The following PDE4B variants were observed in gnomAD, a reference collection of about 807,000 sequenced individuals.
PDE4B encodes phosphodiesterase 4B, also known as 3',5'-cyclic-AMP phosphodiesterase 4B.
Under a neutral mutation model 82.2 loss-of-function variants are expected in PDE4B, and 20 were observed. The ratio of observed to expected loss-of-function variants is 0.24; its 90% confidence interval spans 0.17 to 0.35. The LOEUF is 0.35. PDE4B is among the 10% of genes least tolerant of loss of function. The pLI, the probability that PDE4B is intolerant of heterozygous loss-of-function variation, is 1.00. For synonymous variants in PDE4B, 320 were observed against 318.9 expected, an observed-to-expected ratio of 1.00 and a Z score of -0.04; for missense variants, 655 against 907.2, an observed-to-expected ratio of 0.72 and a Z score of 3.57.
chr1:66,012,606 G>A (rs1278877187), intron 3 of PDE4B, among the ~76,000 whole-genome samples: 1 of 152,050 alleles, frequency 6.6e-6, no homozygotes, highest in Non-Finnish European at 1.5e-5. Flanking sequence ...TGTGAGCCCA[G>A]TATGAGGAAA....
chr1:65,958,256 T>G (rs1023312131), intron 3 of PDE4B, among the ~76,000 whole-genome samples: 1 of 152,230 alleles, frequency 6.6e-6, no homozygotes, highest in East Asian at 1.9e-4. Context: ...TTTAAAAAAT[T>G]TATTGATATG....
intron 1 of PDE4B, among the ~76,000 whole-genome samples, chr1:65,888,509 A>C (rs1288172727): frequency 6.6e-6 from 1 of 152,214 alleles, no homozygotes. Context: ...TTTGATTGGA[A>C]TTATATTGAA....
At chr1:65,949,798 G>A (rs10889590) in intron 3 of PDE4B, among the ~76,000 whole-genome samples, 48,707 of 151,760 alleles carry the variant, frequency 0.32, 8,342 homozygotes, top group East Asian at 0.46. Flanking sequence ...GTGTAGCTCT[G>A]TCTTCCAATA....
At chr1:65,893,684 C>T (rs1646877022) in intron 1 of PDE4B, among the ~76,000 whole-genome samples, 1 of 151,790 alleles carries the variant, frequency 6.6e-6, no homozygotes. Flanking sequence ...TTATATGAAA[C>T]ATGCACACAT....
At chr1:65,974,545 C>G (rs1650310224) in intron 3 of PDE4B, among the ~76,000 whole-genome samples, 4 of 152,146 alleles carry the variant, frequency 2.6e-5, no homozygotes, top group African/African-American at 9.7e-5. Flanking sequence ...TCATTGCAGT[C>G]TCACAAACCT....
chr1:66,121,470 G>A (rs1645708641), intron 3 of PDE4B, among the ~76,000 whole-genome samples: 2 of 152,258 alleles, frequency 1.3e-5, no homozygotes, highest in Non-Finnish European at 1.5e-5. Flanking sequence ...TCAACATCAG[G>A]TGTAAGGAGT....
At chr1:66,188,546 TA>T (rs1442979311) in intron 3 of PDE4B, among the ~76,000 whole-genome samples, 1 of 151,852 alleles carries the variant, frequency 6.6e-6, no homozygotes, top group Non-Finnish European at 1.5e-5. Flanking sequence ...ATATTTAGGA[TA>T]GTTAGCTCTT....
At chr1:65,941,477 T>G (rs1353662680) in intron 3 of PDE4B, among the ~76,000 whole-genome samples, 1 of 152,066 alleles carries the variant, frequency 6.6e-6, no homozygotes, top group Non-Finnish European at 1.5e-5. Flanking sequence ...GGTTTCCTTC[T>G]GATGCCTTGA....
intron 1 of PDE4B, among the ~76,000 whole-genome samples, chr1:65,838,476 TA>T (rs1216902457): frequency 1.3e-5 from 2 of 148,830 alleles, no homozygotes; most frequent in African/African-American, 4.9e-5. Flanking sequence ...ATTGTCACTA[TA>T]TATATACGTA....
At chr1:66,032,686 C>G (rs903674548) in intron 3 of PDE4B, among the ~76,000 whole-genome samples, 5 of 146,708 alleles carry the variant, frequency 3.4e-5, no homozygotes, top group Non-Finnish European at 7.4e-5. Context: ...GAAGGAGTCT[C>G]GCTCTGTCAG....
At chr1:66,102,741 T>A (rs771894681) in intron 3 of PDE4B, among the ~76,000 whole-genome samples, 3 of 152,046 alleles carry the variant, frequency 2.0e-5, no homozygotes, top group Admixed American at 6.6e-5. Context: ...CAATTTCCAG[T>A]TGAAAAGACT....
chr1:66,241,296 G>A (rs557599833), intron 3 of PDE4B, among the ~76,000 whole-genome samples: 1 of 152,294 alleles, frequency 6.6e-6, no homozygotes, highest in East Asian at 1.9e-4. Context: ...TAGAAATTAG[G>A]ACTGGCTGCA....
At chr1:66,137,702 T>C (rs1380486004) in intron 3 of PDE4B, among the ~76,000 whole-genome samples, 6 of 152,202 alleles carry the variant, frequency 3.9e-5, no homozygotes, top group Admixed American at 2.0e-4. Flanking sequence ...GAAATTCTTA[T>C]GTTCCATCTT....
chr1:66,203,965 C>T (rs996911032), intron 3 of PDE4B, among the ~76,000 whole-genome samples: 1 of 152,126 alleles, frequency 6.6e-6, no homozygotes, highest in Non-Finnish European at 1.5e-5. Context: ...GTTTTTTCCC[C>T]ATCTTTGTGG....
intron 3 of PDE4B, among the ~76,000 whole-genome samples, chr1:66,086,155 AC>A (rs1454206115): frequency 6.6e-6 from 1 of 152,080 alleles, no homozygotes; most frequent in East Asian, 1.9e-4. Flanking sequence ...TGGAATTATC[AC>A]CAGGGTAATG....
intron 3 of PDE4B, among the ~76,000 whole-genome samples, chr1:66,186,847 C>A (rs550661589): frequency 1.3e-5 from 2 of 152,110 alleles, no homozygotes; most frequent in Non-Finnish European, 2.9e-5. Flanking sequence ...CCTAATTGCC[C>A]GGGCCAGAGC....
intron 3 of PDE4B, among the ~76,000 whole-genome samples, chr1:66,125,442 G>A (rs150392471): frequency 2.1e-3 from 325 of 152,294 alleles, no homozygotes; most frequent in African/African-American, 7.6e-3. Flanking sequence ...GATTACAGGC[G>A]TGAGCCACCA....
chr1:66,290,700 A>G (rs1346692494), intron 7 of PDE4B, among the ~76,000 whole-genome samples: 2 of 152,208 alleles, frequency 1.3e-5, no homozygotes, highest in Non-Finnish European at 2.9e-5. Context: ...CAATGCCAGG[A>G]GTAATAATCA....
intron 3 of PDE4B, among the ~76,000 whole-genome samples, chr1:65,999,792 G>C (rs962021761): frequency 6.6e-6 from 1 of 152,098 alleles, no homozygotes; most frequent in African/African-American, 2.4e-5. Context: ...ACAAATACTT[G>C]TTGAAGAAAT....
Sources: gnomAD v4.1 joint callset for allele counts (sites outside exome capture counted in the v4.1 genomes callset) on GRCh38, gnomAD v4.1.1 for gene constraint, MANE v1.5 for transcripts, NCBI Gene and HGNC (gene_info 2026-07-23, HGNC 2026-07-21) for gene names.